ADAMTS12: variants seen among roughly 807,000 people sequenced by gnomAD.
The protein encoded by ADAMTS12 is ADAM metallopeptidase with thrombospondin type 1 motif 12, also known as A disintegrin and metalloproteinase with thrombospondin motifs 12.
Under a neutral mutation model 167.8 loss-of-function variants are expected in ADAMTS12, and 118 were observed. The ratio of observed to expected loss-of-function variants is 0.70; its 90% CI spans 0.61 to 0.82. The LOEUF is 0.82. Among genes scored for constraint, ADAMTS12 ranks in the 40% least tolerant of loss-of-function variants. The probability of loss-of-function intolerance (pLI) is 0.00; values close to 1 mark genes in which losing one functional copy is unlikely to be tolerated. For missense variants in ADAMTS12, 1,916 were observed against 1,998.8 expected (o/e 0.96, Z 0.79); for synonymous variants, 704 against 716.9 (o/e 0.98, Z 0.29).
chr5:33,682,905 G>T, intron 5 of ADAMTS12, 113 bp downstream of exon 5: 2 of 772,948 alleles, frequency 2.6e-6, no homozygotes, highest in Non-Finnish European at 4.2e-6. Flanking sequence ...TTCTCGATGG[G>T]CTTCCAAACA....
At chr5:33,549,159 G>C in intron 21 of ADAMTS12, 48 bp downstream of exon 21, 2 of 1,586,660 alleles carry the variant, frequency 1.3e-6, no homozygotes, top group Non-Finnish European at 1.7e-6. Context: ...AGAGATTCAT[G>C]GCTTGCCAGG....
intron 13 of ADAMTS12, among the ~76,000 whole-genome samples, chr5:33,625,785 A>G (rs1739560776): frequency 6.6e-6 from 1 of 152,242 alleles, no homozygotes; most frequent in Non-Finnish European, 1.5e-5. Context: ...AGACTCACCC[A>G]ATTTAGTTTT....
chr5:33,856,298 G>A (rs1749399787), intron 2 of ADAMTS12, among the ~76,000 whole-genome samples: 1 of 152,152 alleles, frequency 6.6e-6, no homozygotes, highest in Non-Finnish European at 1.5e-5. Flanking sequence ...TGGAAAACAT[G>A]CTGGTGATGG....
In ADAMTS12 at chr5:33,891,988, G is replaced by T; in HGVS notation, c.-132C>A. The stretch of plus-strand genomic sequence containing the variant: ...GGCGCGAGAAGGCAGCGACTGCAAA[G>T]CTGCCCGCGATCTCCCTGTGCTTTT... On this transcript the variant is annotated 5_prime_UTR_variant, in exon 1 of 24. Transcript: ENST00000504830. 8.7e-7 allele frequency: 1 copy of T among 1,150,648 alleles called. No individual in the cohort carries two copies. Among genetic ancestry groups the T allele is most frequent in the Non-Finnish European group, 1.2e-6 (1 of 819,838 alleles). The allele number at this position is 1,150,648 out of a possible 1,614,324, so 71.3% of individuals were successfully genotyped here. A position where few individuals can be genotyped will look rare whatever the true frequency, so the allele number is the denominator to read the frequency against.
At chr5:33,779,023 TG>T (rs1208086840) in intron 2 of ADAMTS12, among the ~76,000 whole-genome samples, 2 of 152,100 alleles carry the variant, frequency 1.3e-5, no homozygotes, top group East Asian at 3.9e-4. Context: ...GAAGGCAGCG[TG>T]TGGAGAAAAT....
At chr5:33,564,404 T>C (rs1745905526) in intron 19 of ADAMTS12, among the ~76,000 whole-genome samples, 2 of 152,194 alleles carry the variant, frequency 1.3e-5, no homozygotes, top group Admixed American at 6.5e-5. Flanking sequence ...CTTGATTATG[T>C]AAGCCTAGGA....
intron 2 of ADAMTS12, among the ~76,000 whole-genome samples, chr5:33,764,920 C>T (rs922934645): frequency 6.7e-6 from 1 of 148,296 alleles, no homozygotes; most frequent in Non-Finnish European, 1.5e-5. Flanking sequence ...AAGATGCCTA[C>T]AAACAGTTTA....
At chr5:33,834,901 T>C (rs992922385) in intron 2 of ADAMTS12, among the ~76,000 whole-genome samples, 4 of 152,198 alleles carry the variant, frequency 2.6e-5, no homozygotes, top group Admixed American at 2.0e-4. Context: ...ATCCACCTAA[T>C]ATCCTTGAGA....
At chr5:33,852,621 A>G (rs907828492) in intron 2 of ADAMTS12, among the ~76,000 whole-genome samples, 1 of 152,212 alleles carries the variant, frequency 6.6e-6, no homozygotes, top group African/African-American at 2.4e-5. Context: ...AGGAATGTCT[A>G]CATGGAAATG....
intron 2 of ADAMTS12, among the ~76,000 whole-genome samples, chr5:33,864,760 G>A (rs1036070336): frequency 2.0e-5 from 3 of 152,144 alleles, no homozygotes; most frequent in Admixed American, 6.5e-5. Context: ...AACACCGCAT[G>A]TTCTCACTCT....
At chr5:33,671,036 G>A (rs1741673897) in intron 5 of ADAMTS12, among the ~76,000 whole-genome samples, 1 of 101,406 alleles carries the variant, frequency 9.9e-6, no homozygotes, top group Non-Finnish European at 2.0e-5. Flanking sequence ...GAATTATGCT[G>A]AATGAAAAAA....
chr5:33,782,092 T>C (rs1309163087), intron 2 of ADAMTS12, among the ~76,000 whole-genome samples: 1 of 152,090 alleles, frequency 6.6e-6, no homozygotes, highest in African/African-American at 2.4e-5. Context: ...ATGACAAATA[T>C]AACAATTTTC....
Position 33,615,844 on chromosome 5 carries a change from T to C in ADAMTS12, c.2372A>G (p.Glu791Gly). 1.2e-6 allele frequency: 2 copies of C among 1,614,144 alleles called. No individual in the cohort carries two copies. Among genetic ancestry groups the C allele is most frequent in the South Asian group, 2.2e-5 (2 of 91,082 alleles). Residue 791 changes from glutamate (E) to glycine (G), a missense_variant, in exon 15 of 24, where the codon GAG (glutamate) becomes GGG (glycine). Glu to Gly is a moderately conservative substitution (Grantham distance 98, BLOSUM62 -2). Transcript: ENST00000504830. The part of the protein sequence containing the change: ...EKLMATGPTN[E>G]SVWIQLLFQV... ...CTGCATTACCTGGATCCACACAGAC[T>C]CATTGGTGGGACCTGTGGCCATCAG...
intron 3 of ADAMTS12, among the ~76,000 whole-genome samples, chr5:33,697,409 T>G (rs1388279558): frequency 6.6e-6 from 1 of 152,212 alleles, no homozygotes; most frequent in East Asian, 1.9e-4. Flanking sequence ...CCCGTTGCCA[T>G]GCCAGGCCCA....
chr5:33,642,036 C>T lies in ADAMTS12; in HGVS notation c.1573-81G>A, dbSNP rs538786248. ...GAGCCAAGAGCCCTAAAAGTCTAAA[C>T]CCAATTCTCTGCAAGCAAGCCGGCT... On this transcript the variant is annotated intron_variant, in intron 10 of 23. Transcript: ENST00000504830. The T allele has an allele frequency of 4.4e-6, 6 of 1,376,068 alleles. No individual in the cohort carries two copies. In the South Asian group the frequency reaches 1.0e-4, roughly 24 times the overall value. The allele number at this position is 1,376,068 out of a possible 1,614,324, so 85.2% of individuals were successfully genotyped here. A position where few individuals can be genotyped will look rare whatever the true frequency, so the allele number is the denominator to read the frequency against.
intron 18 of ADAMTS12, among the ~76,000 whole-genome samples, chr5:33,577,400 G>T (rs1342467652): frequency 1.3e-5 from 2 of 152,194 alleles, no homozygotes; most frequent in Non-Finnish European, 2.9e-5. Flanking sequence ...AAACCATGAT[G>T]TAGTCAAACT....
chr5:33,608,818 G>A (rs935962325), intron 16 of ADAMTS12, among the ~76,000 whole-genome samples: 1 of 152,170 alleles, frequency 6.6e-6, no homozygotes, highest in East Asian at 1.9e-4. Flanking sequence ...CCTGGCTGTG[G>A]TGATAAGCCT....
At chr5:33,819,879 G>T (rs1237924353) in intron 2 of ADAMTS12, among the ~76,000 whole-genome samples, 2 of 152,128 alleles carry the variant, frequency 1.3e-5, no homozygotes, top group Non-Finnish European at 2.9e-5. Flanking sequence ...GTACCCATGG[G>T]GAGCTAAAAG....
chr5:33,718,458 C>A (rs781752830), intron 3 of ADAMTS12, among the ~76,000 whole-genome samples: 1 of 152,142 alleles, frequency 6.6e-6, no homozygotes, highest in Non-Finnish European at 1.5e-5. Context: ...AATGTGAACC[C>A]TATTCTGCAC....
Sources: gnomAD v4.1 joint callset for allele counts (sites outside exome capture counted in the v4.1 genomes callset) on GRCh38, gnomAD v4.1.1 for gene constraint, MANE v1.5 for transcripts, NCBI Gene and HGNC (gene_info 2026-07-23, HGNC 2026-07-21) for gene names.